RTN1: variants seen among roughly 807,000 people sequenced by gnomAD.
RTN1 encodes reticulon 1, also known as reticulon-1.
A neutral mutation model predicts 65.5 loss-of-function variants in RTN1; 25 were observed. The ratio of observed to expected loss-of-function variants is 0.38; its 90% CI spans 0.28 to 0.53. The LOEUF (loss-of-function observed/expected upper bound fraction) is 0.53, where lower values mean the gene tolerates loss of function less well. Ranked by LOEUF, RTN1 falls within the 20% of genes least tolerant of loss-of-function variation. The pLI is 0.79. For missense variants in RTN1, 983 were observed against 1,025.4 expected (o/e 0.96, Z 0.57); for synonymous variants, 471 against 447.6 (o/e 1.05, Z -0.66).
At position 59,727,370 on chromosome 14, in the gene RTN1, G is replaced by C. The variant is rs1209000797; in HGVS notation, c.1314C>G (p.Gly438=). The C allele has an allele frequency of 7.9e-6, 12 of 1,519,496 alleles. No individual in the cohort carries two copies. Among genetic ancestry groups the C allele is most frequent in the Non-Finnish European group, 1.1e-5 (12 of 1,133,208 alleles). 94.1% of individuals were successfully genotyped at this position (1,519,496 alleles called of 1,614,324 possible). The change falls in exon 3 of 9, where the codon GGC becomes GGG. Residue 438 remains glycine (G), a synonymous_variant. Coordinates refer to ENST00000267484, the MANE Select transcript of RTN1 (RefSeq NM_021136.3). The surrounding 1 kb of genome is among the most constrained non-coding windows in gnomAD (Gnocchi z 4.2). The part of the protein sequence containing the change: ...PSGYVSFGHV[G]GPPPSPASPS... Reference sequence around the variant, plus strand: ...GCGAGGCGGGCGAGGGCGGCGGGCCGCCCACGTGGCCAAAGCTCACATAGC... The same window carrying C: ...GCGAGGCGGGCGAGGGCGGCGGGCCCCCCACGTGGCCAAAGCTCACATAGC...
intron 3 of RTN1, among the ~76,000 whole-genome samples, chr14:59,687,512 T>TTCCTGTGCAGAGA (rs1215809412): frequency 2.0e-5 from 3 of 151,936 alleles, no homozygotes; most frequent in East Asian, 3.9e-4. Flanking sequence ...CAGCCCATCC[T>TTCCTGTGCAGAGA]TCCTGTGCAG....
At chr14:59,621,389 T>C (rs1414806383) in intron 3 of RTN1, among the ~76,000 whole-genome samples, 2 of 152,196 alleles carry the variant, frequency 1.3e-5, no homozygotes, top group East Asian at 3.8e-4. Context: ...GTTGTAAAAA[T>C]TAAAGCTACT....
chr14:59,862,130 T>C (rs1887721731), intron 1 of RTN1, among the ~76,000 whole-genome samples: 1 of 152,238 alleles, frequency 6.6e-6, no homozygotes. Flanking sequence ...AAGTTGCATC[T>C]CCTACGTTCT....
chr14:59,700,953 T>C (rs970608844), intron 3 of RTN1, among the ~76,000 whole-genome samples: 33 of 152,212 alleles, frequency 2.2e-4, no homozygotes, highest in Middle Eastern at 3.4e-3. Flanking sequence ...GATAAAATAT[T>C]TGCAAATCAT....
Position 59,836,969 on chromosome 14 carries a change from A to C in RTN1, c.241+33421T>G, listed in dbSNP as rs1056881155. Reference sequence around the variant, plus strand: ...GAAATTTTAATCAAATGCTTTGCTGACTTTTTTTATTTGTAGCCTAAGAAA... The same window carrying C: ...GAAATTTTAATCAAATGCTTTGCTGCCTTTTTTTATTTGTAGCCTAAGAAA... On this transcript the variant is annotated intron_variant, in intron 1 of 8. Coordinates refer to ENST00000267484, the MANE Select transcript of RTN1 (RefSeq NM_021136.3). This position sits in a 1 kb window ranked among gnomAD's most constrained non-coding sequence, Gnocchi z 4.9. Among the ~76,000 whole-genome samples the C allele has an allele frequency of 3.9e-5, 6 of 152,168 alleles. No homozygotes were observed. Among genetic ancestry groups the C allele is most frequent in the African/African-American group, 1.4e-4 (6 of 41,432 alleles).
At chr14:59,612,448 C>G (rs1037777275) in intron 3 of RTN1, among the ~76,000 whole-genome samples, 1 of 152,252 alleles carries the variant, frequency 6.6e-6, no homozygotes, top group African/African-American at 2.4e-5. Flanking sequence ...CTGGGTAAAA[C>G]AGTAAATTAC....
intron 3 of RTN1, among the ~76,000 whole-genome samples, chr14:59,699,128 T>C (rs1162274231): frequency 6.6e-6 from 1 of 152,168 alleles, no homozygotes; most frequent in Non-Finnish European, 1.5e-5. Context: ...CACTTTTCTA[T>C]ATCATCATGG....
At chr14:59,788,002 T>C (rs1886283155) in intron 1 of RTN1, among the ~76,000 whole-genome samples, 1 of 152,206 alleles carries the variant, frequency 6.6e-6, no homozygotes, top group African/African-American at 2.4e-5. Flanking sequence ...TCTTACCCTT[T>C]TCCCCAATAA....
chr14:59,844,376 G>A (rs1326647584), intron 1 of RTN1, among the ~76,000 whole-genome samples: 3 of 152,134 alleles, frequency 2.0e-5, no homozygotes, highest in Non-Finnish European at 2.9e-5. Context: ...TCACTGTCTC[G>A]AAAGCTTGCT....
At position 59,725,098 on chromosome 14, in the gene RTN1, A is replaced by G. The variant is rs138124785; in HGVS notation, c.1765+1821T>C. Among the ~76,000 whole-genome samples the G allele has an allele frequency of 3.1e-3, 468 of 152,310 alleles. 1 individual carries two copies. Among genetic ancestry groups the G allele is most frequent in the Admixed American group, 4.6e-3 (70 of 15,302 alleles). On this transcript the variant is annotated intron_variant, in intron 3 of 8. Transcript: ENST00000267484. ...ATGGGGCAACTTGTACAGAGATTCAAATGACACAAAATTGGCCATAAAAGA... is the reference window on the plus strand; with the variant it reads ...ATGGGGCAACTTGTACAGAGATTCAGATGACACAAAATTGGCCATAAAAGA...
chr14:59,749,497 ATATC>A (rs1295556639), intron 1 of RTN1, among the ~76,000 whole-genome samples: 1 of 74,096 alleles, frequency 1.3e-5, no homozygotes, highest in Non-Finnish European at 2.2e-5. Flanking sequence ...ATATCTATAT[ATATC>A]TATATATAGA....
At chr14:59,639,632 C>T (rs1245880219) in intron 3 of RTN1, among the ~76,000 whole-genome samples, 1 of 152,146 alleles carries the variant, frequency 6.6e-6, no homozygotes, top group Non-Finnish European at 1.5e-5. Flanking sequence ...AAACTGTGCT[C>T]AAAATTTTTA....
chr14:59,695,601 A>G (rs1162535806), intron 3 of RTN1, among the ~76,000 whole-genome samples: 1 of 152,196 alleles, frequency 6.6e-6, no homozygotes, highest in Non-Finnish European at 1.5e-5. Flanking sequence ...TGTATTGTAC[A>G]GAAGAAAGAC....
chr14:59,646,091 C>A (rs140596379), intron 3 of RTN1, among the ~76,000 whole-genome samples: 48 of 152,232 alleles, frequency 3.2e-4, no homozygotes, highest in African/African-American at 1.1e-3. Flanking sequence ...CCGAAGCTGA[C>A]AGATAAAATA....
intron 3 of RTN1, among the ~76,000 whole-genome samples, chr14:59,676,266 G>C (rs1278434161): frequency 6.6e-6 from 1 of 152,202 alleles, no homozygotes; most frequent in Non-Finnish European, 1.5e-5. Flanking sequence ...CACAGAAGCT[G>C]TAAAAATTAA....
intron 3 of RTN1, among the ~76,000 whole-genome samples, chr14:59,659,668 T>C (rs1463699161): frequency 6.6e-6 from 1 of 152,150 alleles, no homozygotes; most frequent in African/African-American, 2.4e-5. Flanking sequence ...AGAAATAAAA[T>C]ACTTTACAGA....
chr14:59,664,848 G>A (rs929565255), intron 3 of RTN1, among the ~76,000 whole-genome samples: 1 of 152,030 alleles, frequency 6.6e-6, no homozygotes, highest in Non-Finnish European at 1.5e-5. Context: ...ATTTCCCTGG[G>A]ATAAATGCCA....
At chr14:59,626,542 G>A (rs1281960892) in intron 3 of RTN1, among the ~76,000 whole-genome samples, 1 of 152,188 alleles carries the variant, frequency 6.6e-6, no homozygotes, top group Non-Finnish European at 1.5e-5. Context: ...AGAACAAACA[G>A]AATCATGTGG....
intron 1 of RTN1, among the ~76,000 whole-genome samples, chr14:59,772,292 T>C (rs1341222801): frequency 6.6e-6 from 1 of 152,210 alleles, no homozygotes; most frequent in Admixed American, 6.5e-5. Flanking sequence ...TTTGAATGTA[T>C]TATGTTATCT....
Sources: allele counts gnomAD v4.1 joint callset (sites outside exome capture counted in the v4.1 genomes callset), GRCh38; gene constraint gnomAD v4.1.1; non-coding constraint Gnocchi (gnomAD v3.1); transcripts MANE v1.5; gene names NCBI Gene and HGNC (gene_info 2026-07-23, HGNC 2026-07-21).